The following KIRREL3 variants were observed in gnomAD, a reference collection of about 807,000 sequenced individuals.
The protein encoded by KIRREL3 is kin of IRRE-like protein 3.
A neutral mutation model predicts 89.7 loss-of-function variants in KIRREL3; 36 were observed. The ratio of observed to expected loss-of-function variants is 0.40; its 90% CI spans 0.31 to 0.53. The LOEUF is 0.53. KIRREL3 is among the 20% of genes least tolerant of loss of function. The probability of loss-of-function intolerance (pLI) is 0.49; values close to 1 mark genes in which losing one functional copy is unlikely to be tolerated. For missense variants in KIRREL3, 864 were observed against 1,056.6 expected (o/e 0.82, Z 2.53); for synonymous variants, 445 against 441.4 (o/e 1.01, Z -0.10).
At chr11:126,545,845 G>C (rs548424654) in intron 2 of KIRREL3, among the ~76,000 whole-genome samples, 1 of 152,282 alleles carries the variant, frequency 6.6e-6, no homozygotes, top group Admixed American at 6.5e-5. Context: ...AAGGGTTGCA[G>C]GGCAGGGCCC....
At chr11:126,702,963 GC>G (rs1316036308) in intron 1 of KIRREL3, among the ~76,000 whole-genome samples, 1 of 152,224 alleles carries the variant, frequency 6.6e-6, no homozygotes, top group African/African-American at 2.4e-5. Context: ...CTTTCTTCTG[GC>G]TGGGCCCCTG....
In KIRREL3 at chr11:126,427,431, C is replaced by T. The variant is rs144371925; in HGVS notation, c.1807-1707G>A. The stretch of plus-strand genomic sequence containing the variant: ...TGGGAGAGCAGAAGGTGCACAGCTC[C>T]GCCAGGGGTGGGGAGGACAAGCCCG... On this transcript the variant is annotated intron_variant, in intron 15 of 16. Coordinates refer to ENST00000525144, the MANE Select transcript of KIRREL3 (RefSeq NM_032531.4). This position sits in a 1 kb window ranked among gnomAD's most constrained non-coding sequence, Gnocchi z 5.3. Among the ~76,000 whole-genome samples, 10 of 152,236 alleles carry T rather than the reference C, an allele frequency of 6.6e-5. No individual in the cohort carries two copies. The highest frequency in any genetic ancestry group is 7.4e-5 in the Non-Finnish European group (5 of 68,022).
rs34608539 is a variant in KIRREL3 at position 126,880,637 on chromosome 11, G to GTT, written c.55+119816_55+119817dup. Among the ~76,000 whole-genome samples the GTT allele has an allele frequency of 4.9e-3, 699 of 142,856 alleles. 5 individuals are homozygous for GTT. Among genetic ancestry groups the GTT allele is most frequent in the African/African-American group, 0.01 (398 of 38,692 alleles). The allele number at this position is 142,856 out of a possible 152,430, so 93.7% of individuals were successfully genotyped here. A position where few individuals can be genotyped will look rare whatever the true frequency, so the allele number is the denominator to read the frequency against. Reference sequence around the variant, plus strand: ...TTTTTCCTTGTTGTCAAAAGTTGTGGTTTTTTTTTTTTTTTGATAGCTCAG... The same window carrying GTT: ...TTTTTCCTTGTTGTCAAAAGTTGTGGTTTTTTTTTTTTTTTTTGATAGCTCAG... On this transcript the variant is annotated intron_variant, in intron 1 of 16. Transcript: ENST00000525144.
chr11:126,629,326 G>C (rs1402299039), intron 1 of KIRREL3, among the ~76,000 whole-genome samples: 5 of 152,188 alleles, frequency 3.3e-5, no homozygotes, highest in Non-Finnish European at 7.3e-5. Flanking sequence ...GGCTCTAAGA[G>C]AGCTCATGAA....
At chr11:126,456,194 G>C (rs944842251) in intron 7 of KIRREL3, among the ~76,000 whole-genome samples, 155 bp downstream of exon 7, 1 of 151,848 alleles carries the variant, frequency 6.6e-6, no homozygotes, top group Non-Finnish European at 1.5e-5. Flanking sequence ...TAGCAGGCAG[G>C]CGGGTTTAAG....
In KIRREL3 at chr11:126,574,608, C is replaced by A. The variant is rs1424843825; in HGVS notation, c.56-11696G>T. On this transcript the variant is annotated intron_variant, in intron 1 of 16. Coordinates refer to ENST00000525144, the MANE Select transcript of KIRREL3 (RefSeq NM_032531.4). The surrounding 1 kb of genome is among the most constrained non-coding windows in gnomAD (Gnocchi z 5.3). Reference sequence around the variant, plus strand: ...ATAGCTGAGCCCCAGAGAAGTGACCCCTTTTGGGGTTATCCAATCTAGCAG... The same window carrying A: ...ATAGCTGAGCCCCAGAGAAGTGACCACTTTTGGGGTTATCCAATCTAGCAG... Among the ~76,000 whole-genome samples the A allele has an allele frequency of 6.6e-6, 1 of 152,150 alleles. No homozygotes were observed. The highest frequency in any genetic ancestry group is 2.4e-5 in the African/African-American group (1 of 41,442).
At position 126,535,574 on chromosome 11, in the gene KIRREL3, GGT is replaced by G. The variant is rs60765008; in HGVS notation, c.134-8889_134-8888del. 4.6e-5 allele frequency among the ~76,000 whole-genome samples: 7 copies of G among 150,776 alleles called. No homozygotes were observed. Among genetic ancestry groups the G allele is most frequent in the Non-Finnish European group, 7.4e-5 (5 of 67,576 alleles). ...GGCAGCACTGCAGGGTGCTGGGTCG[GGT>G]GTGTGTGTGTGTGTGTGCACGTGGG... On this transcript the variant is annotated intron_variant, in intron 2 of 16. Transcript: ENST00000525144. The surrounding 1 kb of genome is among the most constrained non-coding windows in gnomAD (Gnocchi z 4.5).
chr11:126,698,455 C>T (rs1162526817), intron 1 of KIRREL3, among the ~76,000 whole-genome samples: 1 of 152,236 alleles, frequency 6.6e-6, no homozygotes, highest in East Asian at 1.9e-4. Flanking sequence ...GTGTTCTCAT[C>T]TGCCGGCTTG....
At chr11:126,598,738 C>T (rs1016543263) in intron 1 of KIRREL3, among the ~76,000 whole-genome samples, 6 of 152,238 alleles carry the variant, frequency 3.9e-5, no homozygotes, top group African/African-American at 1.4e-4. Context: ...ACATTGATTG[C>T]CCACTCTGTC....
In KIRREL3 at chr11:126,574,280, A is replaced by G. The variant is rs1320975448; in HGVS notation, c.56-11368T>C. On this transcript the variant is annotated intron_variant, in intron 1 of 16. Transcript: ENST00000525144. The surrounding 1 kb of genome is among the most constrained non-coding windows in gnomAD (Gnocchi z 5.3). ...ATGGCAGGGCTAGGATTTGACCACA[A>G]CGCTTGGGGTAAAACCAAACTCCCC... Among the ~76,000 whole-genome samples, 1 of 152,190 alleles carries G rather than the reference A, an allele frequency of 6.6e-6. No homozygotes were observed. Among genetic ancestry groups the G allele is most frequent in the African/African-American group, 2.4e-5 (1 of 41,456 alleles).
intron 1 of KIRREL3, among the ~76,000 whole-genome samples, chr11:126,638,457 T>C (rs901433543): frequency 1.3e-5 from 2 of 152,260 alleles, no homozygotes; most frequent in African/African-American, 4.8e-5. Context: ...CAAGAGTTGT[T>C]CTGTGTTCTA....
rs952882626 is a variant in KIRREL3, at chr11:126,748,542, A to T, written c.56-185630T>A. Among the ~76,000 whole-genome samples the T allele has an allele frequency of 1.3e-5, 2 of 152,190 alleles. No individual in the cohort carries two copies. The highest frequency in any genetic ancestry group is 4.8e-5 in the African/African-American group (2 of 41,452). On this transcript the variant is annotated intron_variant, in intron 1 of 16. Transcript: ENST00000525144. This position sits in a 1 kb window ranked among gnomAD's most constrained non-coding sequence, Gnocchi z 4.6. ...GAGGCCTGGCTCCGTTCAAGTGCTTAGGCAGGGACCATTAATATTGTTGAA... is the reference window on the plus strand; with the variant it reads ...GAGGCCTGGCTCCGTTCAAGTGCTTTGGCAGGGACCATTAATATTGTTGAA...
chr11:126,451,515 T>C (rs1956159898), intron 7 of KIRREL3, among the ~76,000 whole-genome samples: 3 of 149,774 alleles, frequency 2.0e-5, no homozygotes, highest in Non-Finnish European at 3.0e-5. Flanking sequence ...AGTGTGTCCA[T>C]TTGTGAGTGG....
intron 1 of KIRREL3, among the ~76,000 whole-genome samples, chr11:126,702,020 C>T (rs1451570554): frequency 6.6e-6 from 1 of 152,108 alleles, no homozygotes; most frequent in African/African-American, 2.4e-5. Flanking sequence ...ACCTACCTCC[C>T]TATTTAACTT....
In KIRREL3 at chr11:126,542,468, A is replaced by C. The variant is rs188513880; in HGVS notation, c.134-15781T>G. 2.6e-5 allele frequency among the ~76,000 whole-genome samples: 4 copies of C among 152,304 alleles called. No homozygotes were observed. In the East Asian group the frequency reaches 7.7e-4, roughly 29 times the overall value. Reference sequence around the variant, plus strand: ...ATTTTCGACTTTGGAATGCATTTTGATATTCACATTTGAATATGGATATGT... The same window carrying C: ...ATTTTCGACTTTGGAATGCATTTTGCTATTCACATTTGAATATGGATATGT... On this transcript the variant is annotated intron_variant, in intron 2 of 16. Transcript: ENST00000525144.
rs1485698805 is a variant in KIRREL3, at chr11:126,521,330, G to A, written c.418C>T (p.Arg140Cys). The change falls in exon 4 of 17, where the codon CGC (arginine) becomes TGC (cysteine). Residue 140 changes from arginine (R) to cysteine (C), a missense_variant. Arg to Cys is a radical substitution (Grantham distance 180, BLOSUM62 -3). Coordinates refer to ENST00000525144, the MANE Select transcript of KIRREL3 (RefSeq NM_032531.4). This position sits in a 1 kb window ranked among gnomAD's most constrained non-coding sequence, Gnocchi z 4.1. The part of the protein sequence containing the change: ...IQAAIRSRPA[R>C]LTVLVPPDDP... ...TGGTTCTTACCCAGGACTGTGAGGCGTGCGGGGCGGGAGCGGATGGCGGCC... is the reference window on the plus strand; with the variant it reads ...TGGTTCTTACCCAGGACTGTGAGGCATGCGGGGCGGGAGCGGATGGCGGCC... The A allele has an allele frequency of 4.5e-6, 7 of 1,549,070 alleles. No homozygotes were observed. The highest frequency in any genetic ancestry group is 1.4e-5 in the African/African-American group (1 of 73,090).
chr11:126,842,387 G>T (rs1943993378), intron 1 of KIRREL3, among the ~76,000 whole-genome samples: 1 of 152,082 alleles, frequency 6.6e-6, no homozygotes, highest in Non-Finnish European at 1.5e-5. Context: ...ATCTCTCAGG[G>T]TTCTGTAATG....
rs1371285714 is a variant in KIRREL3 at position 126,520,121 on chromosome 11, C to T, written c.433+1194G>A. On this transcript the variant is annotated intron_variant, in intron 4 of 16. Coordinates refer to ENST00000525144, the MANE Select transcript of KIRREL3 (RefSeq NM_032531.4). The surrounding 1 kb of genome is among the most constrained non-coding windows in gnomAD (Gnocchi z 4.9). ...CTGCTGCACTGCTTGGAATAATCTG[C>T]CCTGGTGTCTTTGGCCATGTAGATC... Among the ~76,000 whole-genome samples, 2 of 152,172 alleles carry T rather than the reference C, an allele frequency of 1.3e-5. No individual in the cohort carries two copies. Among genetic ancestry groups the T allele is most frequent in the Non-Finnish European group, 2.9e-5 (2 of 68,038 alleles).
At chr11:126,464,359 A>AG (rs1565476368) in intron 5 of KIRREL3, among the ~76,000 whole-genome samples, 2 of 146,052 alleles carry the variant, frequency 1.4e-5, no homozygotes, top group African/African-American at 2.5e-5. Context: ...AAAAAAAAAA[A>AG]AAAGAAAAAA....
Sources: allele counts gnomAD v4.1 joint callset (sites outside exome capture counted in the v4.1 genomes callset), GRCh38; gene constraint gnomAD v4.1.1; non-coding constraint Gnocchi (gnomAD v3.1); transcripts MANE v1.5; gene names NCBI Gene and HGNC (gene_info 2026-07-23, HGNC 2026-07-21).